The following BTD variants were observed in gnomAD, a reference collection of about 807,000 sequenced individuals.
BTD encodes the protein biotinidase.
BTD carries 13 observed loss-of-function variants against 17.7 expected under a neutral mutation model. The observed-to-expected ratio is 0.74, with a 90% confidence interval of 0.48 to 1.17. The LOEUF is 1.17. BTD is among the 50% of genes most tolerant of loss of function. The pLI is 0.00. For missense variants in BTD, 674 were observed against 650.4 expected (o/e 1.04, Z -0.39); for synonymous variants, 240 against 245.2 (o/e 0.98, Z 0.20).
At chr3:15,675,993 G>A (rs760042248) in intron 3 of BTD, 2 of 1,609,902 alleles carry the variant, frequency 1.2e-6, no homozygotes, top group African/African-American at 2.7e-5. Flanking sequence ...CAGAGGTCTA[G>A]GGGAAAAAAC....
chr3:15,602,216 G>C (rs993534717), intron 1 of BTD: 18 of 1,361,814 alleles, frequency 1.3e-5, no homozygotes, highest in Non-Finnish European at 1.6e-5. Flanking sequence ...GACGCTCAGA[G>C]TCAGTAGATC....
rs1257973480 is a variant in BTD at position 15,630,050 on chromosome 3, G to A, written c.-16-5374G>A. The A allele has an allele frequency of 3.8e-5, 37 of 985,320 alleles. No homozygotes were observed. The East Asian group carries it at 1.6e-3, about 42-fold the overall frequency. The allele number at this position is 985,320 out of a possible 1,614,324, so 61.0% of individuals were successfully genotyped here. A position where few individuals can be genotyped will look rare whatever the true frequency, so the allele number is the denominator to read the frequency against. On this transcript the variant is annotated intron_variant, in intron 1 of 3. Coordinates refer to ENST00000643237, the MANE Select transcript of BTD (RefSeq NM_001370658.1). Reference sequence around the variant, plus strand: ...GTGTGTCACAGGGGGAATGGGCAGCGTCACTTTTTACATCCAGTCATATTG... The same window carrying A: ...GTGTGTCACAGGGGGAATGGGCAGCATCACTTTTTACATCCAGTCATATTG...
In BTD at chr3:15,663,319, T is replaced by C. The variant is rs2065944861; in HGVS notation, c.399+21262T>C. Among the ~76,000 whole-genome samples the C allele has an allele frequency of 2.6e-5, 4 of 152,182 alleles. No homozygotes were observed. In the South Asian group the frequency reaches 6.2e-4, roughly 24 times the overall value. On this transcript the variant is annotated intron_variant, in intron 3 of 3. Coordinates refer to the BTD transcript ENST00000672141. ...TACAGTCTTCTTATAATCTTTGGTT[T>C]TGAAATTGAGGTAATGCTGGCCTCC...
intron 3 of BTD, among the ~76,000 whole-genome samples, chr3:15,686,818 A>T (rs1204838546): frequency 1.3e-5 from 2 of 152,218 alleles, no homozygotes; most frequent in Non-Finnish European, 2.9e-5. Context: ...TTTTAGATGC[A>T]ATCCTTAAAA....
At chr3:15,679,795 C>T (rs1199582015) in intron 3 of BTD, among the ~76,000 whole-genome samples, 4 of 151,932 alleles carry the variant, frequency 2.6e-5, no homozygotes, top group Non-Finnish European at 4.4e-5. Flanking sequence ...TCTCTGTATC[C>T]GTGGGTTCTG....
chr3:15,672,416 A>G (rs779963483), intron 3 of BTD, among the ~76,000 whole-genome samples: 24 of 152,306 alleles, frequency 1.6e-4, no homozygotes, highest in Non-Finnish European at 2.8e-4. Context: ...TGCTGGGATT[A>G]TAGGAGTAAG....
chr3:15,605,265 G>A (rs760139121), intron 1 of BTD, among the ~76,000 whole-genome samples: 3 of 152,200 alleles, frequency 2.0e-5, no homozygotes, highest in Non-Finnish European at 4.4e-5. Flanking sequence ...GCAAAGGCAC[G>A]TCTTACATGG....
intron 3 of BTD, among the ~76,000 whole-genome samples, chr3:15,674,032 C>A (rs1409608425): frequency 1.3e-5 from 2 of 151,236 alleles, no homozygotes; most frequent in Non-Finnish European, 2.9e-5. Context: ...ATTAGCTAGG[C>A]CTGGTGATGC....
At chr3:15,620,442 A>C in intron 1 of BTD, among the ~76,000 whole-genome samples, 1 of 152,192 alleles carries the variant, frequency 6.6e-6, no homozygotes, top group East Asian at 1.9e-4. Flanking sequence ...AAGAAGAAAA[A>C]TGTGGCTCTT....
Position 15,651,297 on chromosome 3 carries a change from A to G in BTD, c.*5809A>G, listed in dbSNP as rs1367489855. On this transcript the variant is annotated 3_prime_UTR_variant, in exon 4 of 4. Coordinates refer to ENST00000643237, the MANE Select transcript of BTD (RefSeq NM_001370658.1). ...TGAGCAGAAATTTCACTGTGATGCC[A>G]GTCAGGTATTGCTGCCGTAAGGGCC... Among the ~76,000 whole-genome samples, 1 of 152,228 alleles carries G rather than the reference A, an allele frequency of 6.6e-6. No homozygotes were observed. The highest frequency in any genetic ancestry group is 2.4e-5 in the African/African-American group (1 of 41,458).
At chr3:15,634,736 G>A (rs1385412781) in intron 1 of BTD, among the ~76,000 whole-genome samples, 2 of 152,196 alleles carry the variant, frequency 1.3e-5, no homozygotes, top group African/African-American at 2.4e-5. Flanking sequence ...ATGTGCAATG[G>A]CGATTCTCAA....
chr3:15,625,749 G>A (rs906363878), intron 1 of BTD, among the ~76,000 whole-genome samples: 25 of 152,268 alleles, frequency 1.6e-4, no homozygotes, highest in Middle Eastern at 3.4e-3. Context: ...TAGAGATGGG[G>A]TTTCACCGTG....
At position 15,647,812 on chromosome 3, in the gene BTD, G is replaced by T. The variant is rs568915749; in HGVS notation, c.*2324G>T. Among the ~76,000 whole-genome samples the T allele has an allele frequency of 1.3e-5, 2 of 152,318 alleles. No individual in the cohort carries two copies. The highest frequency in any genetic ancestry group is 4.1e-4 in the South Asian group (2 of 4,828). The stretch of plus-strand genomic sequence containing the variant: ...CGTGGTTTCTCATGTAGGTGCAGCT[G>T]TGCTTTTCTGTGGTTTTTCTCACAC... On this transcript the variant is annotated 3_prime_UTR_variant, in exon 4 of 4. Transcript: ENST00000643237.
At chr3:15,670,381 G>A (rs1454722437) in intron 3 of BTD, 1 of 1,613,820 alleles carries the variant, frequency 6.2e-7, no homozygotes, top group Non-Finnish European at 8.5e-7. Context: ...CATTCCTCAT[G>A]ATGGGCAAAG....
chr3:15,639,025 G>A (rs2065432904), intron 2 of BTD, among the ~76,000 whole-genome samples: 1 of 152,142 alleles, frequency 6.6e-6, no homozygotes, highest in Non-Finnish European at 1.5e-5. Context: ...GGGGAAAAAC[G>A]GAGTCTAGTT....
intron 2 of BTD, among the ~76,000 whole-genome samples, chr3:15,638,489 C>G (rs2065417021): frequency 6.6e-6 from 1 of 152,140 alleles, no homozygotes; most frequent in South Asian, 2.1e-4. Flanking sequence ...AGTGACCAAG[C>G]CACATGTACT....
At chr3:15,721,229 G>A (rs2073689996) in intron 4 of BTD, 2 of 919,720 alleles carry the variant, frequency 2.2e-6, no homozygotes, top group Non-Finnish European at 3.4e-6. Flanking sequence ...TTACTAAAGT[G>A]AGAAACGGAG....
chr3:15,636,143 C>G (rs952328301), intron 2 of BTD, among the ~76,000 whole-genome samples: 9 of 152,090 alleles, frequency 5.9e-5, no homozygotes, highest in African/African-American at 2.2e-4. Flanking sequence ...TTAAGGCTCC[C>G]CAGTGCAGTC....
intron 3 of BTD, among the ~76,000 whole-genome samples, chr3:15,692,047 GA>G (rs2068870822): frequency 6.6e-6 from 1 of 151,422 alleles, no homozygotes; most frequent in Non-Finnish European, 1.5e-5. Context: ...GGCTGAGGCG[GA>G]AGTATCACTT....
Sources: gnomAD v4.1 joint callset for allele counts (sites outside exome capture counted in the v4.1 genomes callset) on GRCh38, gnomAD v4.1.1 for gene constraint, MANE v1.5 for transcripts, NCBI Gene and HGNC (gene_info 2026-07-23, HGNC 2026-07-21) for gene names.